The following GPR161 variants were observed in gnomAD, a reference collection of about 807,000 sequenced individuals.
The protein encoded by GPR161 is G-protein coupled receptor RE2.
In GPR161, 25 loss-of-function variants were observed where a neutral mutation model predicts 39.2. The ratio of observed to expected loss-of-function variants is 0.64; its 90% CI spans 0.47 to 0.89. The LOEUF (loss-of-function observed/expected upper bound fraction) is 0.89. Among genes scored for constraint, GPR161 ranks in the 40% least tolerant of loss-of-function variants. The pLI, the probability that GPR161 is intolerant of heterozygous loss-of-function variation, is 0.00. For missense variants in GPR161, 547 were observed against 677.8 expected (o/e 0.81, Z 2.14); for synonymous variants, 286 against 276.6 (o/e 1.03, Z -0.34).
chr1:168,097,883 C>T (rs1362585171), intron 2 of GPR161, among the ~76,000 whole-genome samples: 2 of 152,146 alleles, frequency 1.3e-5, no homozygotes, highest in African/African-American at 4.8e-5. Context: ...ATAACACACC[C>T]CAGACCCATG....
At chr1:168,117,212 G>A (rs779117777) in intron 1 of GPR161, among the ~76,000 whole-genome samples, 8 of 152,086 alleles carry the variant, frequency 5.3e-5, no homozygotes, top group Admixed American at 6.6e-5. Flanking sequence ...AATCCATTCC[G>A]TTCTTCCTAT....
chr1:168,109,682 T>C (rs570705542), intron 1 of GPR161, among the ~76,000 whole-genome samples: 4 of 152,254 alleles, frequency 2.6e-5, no homozygotes, highest in African/African-American at 7.2e-5. Flanking sequence ...ATTTATACAT[T>C]CCGGCCAGGT....
At chr1:168,087,440 A>G in intron 5 of GPR161, 145 bp downstream of exon 5, 1 of 953,786 alleles carries the variant, frequency 1.0e-6, no homozygotes, top group South Asian at 1.5e-5. Context: ...GGTGAGACCA[A>G]CAGGGCTGGG....
At chr1:168,099,243 T>C (rs1450982302) in intron 2 of GPR161, among the ~76,000 whole-genome samples, 1 of 152,212 alleles carries the variant, frequency 6.6e-6, no homozygotes, top group East Asian at 1.9e-4. Flanking sequence ...CTCGGACCTG[T>C]CTGACGTCAT....
intron 2 of GPR161, among the ~76,000 whole-genome samples, chr1:168,103,091 G>A (rs1384565861): frequency 6.6e-6 from 1 of 152,168 alleles, no homozygotes; most frequent in Non-Finnish European, 1.5e-5. Context: ...GAATGCTATA[G>A]TGAATAGCAA....
intron 2 of GPR161, among the ~76,000 whole-genome samples, chr1:168,101,235 C>T (rs1281227884): frequency 4.0e-5 from 6 of 151,788 alleles, no homozygotes; most frequent in Admixed American, 1.3e-4. Context: ...CCCATTAACT[C>T]GTCATTTAGC....
chr1:168,110,559 AAAGAAAAGAAAAGAAAAG>A (rs1286070923), intron 1 of GPR161, among the ~76,000 whole-genome samples: 2 of 107,514 alleles, frequency 1.9e-5, no homozygotes, highest in African/African-American at 9.1e-5. Context: ...AAAGAAAAGA[AAAGAAAAGAAAAGAAAAG>A]AAAAGAAAAG....
At chr1:168,099,007 G>A (rs555894145) in intron 2 of GPR161, among the ~76,000 whole-genome samples, 53 of 152,184 alleles carry the variant, frequency 3.5e-4, no homozygotes, top group Admixed American at 1.2e-3. Flanking sequence ...CACATCACAG[G>A]TCTGCTCCTA....
chr1:168,122,733 C>T (rs1698280840), intron 1 of GPR161, among the ~76,000 whole-genome samples: 1 of 152,212 alleles, frequency 6.6e-6, no homozygotes, highest in Admixed American at 6.5e-5. Context: ...TTTCCCTTAA[C>T]TCACCTTTTC....
chr1:168,137,112 T>G (rs1699452129), upstream of GPR161: 1 of 1,146,608 alleles, frequency 8.7e-7, no homozygotes. Flanking sequence ...GCTGCTTCTT[T>G]CCCATTTCTT....
chr1:168,088,581 T>G (rs1694766626), intron 4 of GPR161: 2 of 152,202 alleles, frequency 1.3e-5, no homozygotes, highest in African/African-American at 2.4e-5. Flanking sequence ...GGCAGGTTAT[T>G]TAATGCCTCA....
In GPR161 at chr1:168,081,730, A is replaced by C. The variant is rs1202856731; in HGVS notation, c.*3801T>G. On this transcript the variant is annotated 3_prime_UTR_variant, in exon 6 of 6. Coordinates refer to ENST00000682931, the MANE Select transcript of GPR161 (RefSeq NM_001375883.1). ...ACCATCCTCACTATATCACACTTGC[A>C]CTGGGGTAAAATGAGATAAAGCATT... 6.6e-6 allele frequency: 1 copy of C among 152,298 alleles called. No individual in the cohort carries two copies. Among genetic ancestry groups the C allele is most frequent in the African/African-American group, 2.4e-5 (1 of 41,474 alleles). 9.4% of individuals were successfully genotyped at this position (152,298 alleles called of 1,614,324 possible). A position where few individuals can be genotyped will look rare whatever the true frequency, so the allele number is the denominator to read the frequency against.
In GPR161 at chr1:168,081,954, AT is replaced by A. The variant is rs1694102708; in HGVS notation, c.*3576del. ...TGTATCTTGTGGTCCATCCAGAGAC[AT>A]GTCTAATCTGCAAGTATCTAAGAGG... is the stretch of plus-strand genomic sequence containing the variant. On this transcript the variant is annotated 3_prime_UTR_variant, in exon 6 of 6. Transcript: ENST00000682931. 2 of 152,232 alleles carry A rather than the reference AT, an allele frequency of 1.3e-5. No individual in the cohort carries two copies. The allele number at this position is 152,232 out of a possible 1,614,324, so 9.4% of individuals were successfully genotyped here.
intron 4 of GPR161, among the ~76,000 whole-genome samples, chr1:168,090,262 A>ACC (rs1410250578): frequency 6.6e-6 from 1 of 152,184 alleles, no homozygotes; most frequent in African/African-American, 2.4e-5. Flanking sequence ...TATTATCATC[A>ACC]CAATCATTTC....
intron 2 of GPR161, 88 bp from the exon 3 acceptor site, chr1:168,097,320 G>T: frequency 7.2e-7 from 1 of 1,387,884 alleles, no homozygotes; most frequent in Non-Finnish European, 9.9e-7. Context: ...CCCATGACTG[G>T]GTTGGATGTT....
intron 1 of GPR161, chr1:168,136,054 C>A (rs770584135): frequency 1.6e-6 from 2 of 1,248,036 alleles, no homozygotes; most frequent in Non-Finnish European, 2.0e-6. Context: ...AAAGGTTGCA[C>A]GGGGGTTAAG....
At chr1:168,110,739 C>T (rs1031408098) in intron 1 of GPR161, among the ~76,000 whole-genome samples, 3 of 151,874 alleles carry the variant, frequency 2.0e-5, no homozygotes, top group Admixed American at 1.3e-4. Flanking sequence ...GCCTGCCCAA[C>T]ATGGTGAAAC....
chr1:168,136,948 GCC>G, upstream of GPR161: 5 of 910,972 alleles, frequency 5.5e-6, no homozygotes, highest in Non-Finnish European at 6.4e-6. Context: ...CGGCGCCCGC[GCC>G]CCGCCCCGCC....
rs116618505 is a variant in GPR161 at position 168,118,978 on chromosome 1, G to A, written c.-44-14084C>T. ...TGCAAAGAAACTGCAACCCTTTTAC[G>A]CTGTTGGCAGGGACGTAAAATGGTA... On this transcript the variant is annotated intron_variant, in intron 1 of 5. Transcript: ENST00000682931. Among the ~76,000 whole-genome samples the A allele has an allele frequency of 4.1e-3, 621 of 151,816 alleles. 5 individuals are homozygous for A. Among genetic ancestry groups the A allele is most frequent in the African/African-American group, 0.014 (597 of 41,372 alleles).
Sources: allele counts gnomAD v4.1 joint callset (sites outside exome capture counted in the v4.1 genomes callset), GRCh38; gene constraint gnomAD v4.1.1; transcripts MANE v1.5; gene names NCBI Gene and HGNC (gene_info 2026-07-23, HGNC 2026-07-21).